Variants in DPY19L4 observed in about 807,000 individuals in gnomAD.
DPY19L4 encodes probable C-mannosyltransferase DPY19L4.
A neutral mutation model predicts 102.8 loss-of-function variants in DPY19L4; 97 were observed. The ratio of observed to expected loss-of-function variants is 0.94; its 90% CI spans 0.80 to 1.12. The LOEUF is 1.12. Ranked by LOEUF, DPY19L4 falls within the 50% of genes most tolerant of loss-of-function variation. DPY19L4 has a pLI of 0.00. For synonymous variants in DPY19L4, 252 were observed against 283.1 expected, an observed-to-expected ratio of 0.89 and a Z score of 1.10; for missense variants, 815 against 850.4, an observed-to-expected ratio of 0.96 and a Z score of 0.52.
At chr8:94,725,620 T>C (rs1006632580) in intron 1 of DPY19L4, among the ~76,000 whole-genome samples, 13 of 152,152 alleles carry the variant, frequency 8.5e-5, no homozygotes, top group African/African-American at 2.9e-4. Context: ...AAGTGTAGTT[T>C]ATGATGAATG....
At chr8:94,779,219 T>TTA (rs1554597631) in intron 14 of DPY19L4, among the ~76,000 whole-genome samples, 12 of 145,936 alleles carry the variant, frequency 8.2e-5, no homozygotes, top group African/African-American at 3.0e-4. Context: ...TTTTATAGAT[T>TTA]AAAAAAAAAA....
At chr8:94,751,637 G>A (rs969005445) in intron 6 of DPY19L4, among the ~76,000 whole-genome samples, 7 of 151,874 alleles carry the variant, frequency 4.6e-5, no homozygotes, top group African/African-American at 7.3e-5. Flanking sequence ...TTACAGGTGC[G>A]CACCACCACG....
chr8:94,720,680 G>T (rs147470927), intron 1 of DPY19L4, among the ~76,000 whole-genome samples: 5 of 152,150 alleles, frequency 3.3e-5, no homozygotes, highest in African/African-American at 7.2e-5. Context: ...CAGGATCAAT[G>T]CTAAGATAAG....
At chr8:94,744,212 C>T in intron 6 of DPY19L4, 1 of 384,884 alleles carries the variant, frequency 2.6e-6, no homozygotes, top group East Asian at 7.1e-5. Flanking sequence ...TGTACTGTGT[C>T]GTCTGAAGGC....
At position 94,744,801 on chromosome 8, in the gene DPY19L4, AT is replaced by A. The variant is rs567650161; in HGVS notation, c.611+5012del. ...CTGCCTTATTTGATGTCACTGATGT[AT>A]GTTGTATTGCTGGAGTAGAAGTTAA... On this transcript the variant is annotated intron_variant, in intron 6 of 18. Transcript: ENST00000414645. The A allele has an allele frequency of 1.1e-3, 353 of 319,808 alleles. 1 individual carries two copies. Among genetic ancestry groups the A allele is most frequent in the Non-Finnish European group, 1.7e-3 (282 of 162,360 alleles). The allele number at this position is 319,808 out of a possible 1,614,324, so 19.8% of individuals were successfully genotyped here.
chr8:94,753,954 G>C (rs943739633), intron 6 of DPY19L4, among the ~76,000 whole-genome samples: 3 of 152,070 alleles, frequency 2.0e-5, no homozygotes, highest in Non-Finnish European at 2.9e-5. Context: ...AGCCAAGGCA[G>C]GCAGATTGTT....
At chr8:94,728,919 C>T (rs550873911) in intron 2 of DPY19L4, among the ~76,000 whole-genome samples, 217 of 151,890 alleles carry the variant, frequency 1.4e-3, no homozygotes, top group Non-Finnish European at 1.7e-3. Context: ...TGGTGGCTCG[C>T]GCCAGTAATC....
chr8:94,787,005 C>T (rs1009958714), intron 17 of DPY19L4, among the ~76,000 whole-genome samples: 1 of 152,138 alleles, frequency 6.6e-6, no homozygotes, highest in Admixed American at 6.6e-5. Context: ...AATGTCATAA[C>T]TGGAAGAGGG....
At chr8:94,770,388 A>G (rs1812872653) in intron 12 of DPY19L4, 64 bp from the exon 13 acceptor site, 2 of 1,478,654 alleles carry the variant, frequency 1.4e-6, no homozygotes, top group Non-Finnish European at 1.8e-6. Flanking sequence ...ATGATAAACA[A>G]TGTATCTTTG....
chr8:94,738,997 A>G (rs1811317698), intron 4 of DPY19L4, among the ~76,000 whole-genome samples: 1 of 152,124 alleles, frequency 6.6e-6, no homozygotes, highest in African/African-American at 2.4e-5. Flanking sequence ...GACATATATC[A>G]CTTCCTTGTG....
intron 11 of DPY19L4, among the ~76,000 whole-genome samples, chr8:94,767,300 T>TC (rs1296672862): frequency 6.6e-6 from 1 of 150,498 alleles, no homozygotes; most frequent in African/African-American, 2.4e-5. Flanking sequence ...GGAGTCTTTT[T>TC]TTTTTTTTTT....
At position 94,793,120 on chromosome 8, in the gene DPY19L4, A is replaced by G. The variant is rs1052898084; in HGVS notation, c.*3210A>G. ...TACTTTCTGTGTATATAGGCAGCAT[A>G]TTTTTTTTGTAGAACATTAACCCAG... On this transcript the variant is annotated 3_prime_UTR_variant, in exon 19 of 19. Transcript: ENST00000414645. 6.6e-6 allele frequency: 1 copy of G among 151,912 alleles called. No homozygotes were observed. Among genetic ancestry groups the G allele is most frequent in the Admixed American group, 6.6e-5 (1 of 15,246 alleles). The allele number at this position is 151,912 out of a possible 1,614,324, so 9.4% of individuals were successfully genotyped here.
intron 2 of DPY19L4, among the ~76,000 whole-genome samples, chr8:94,732,578 C>A (rs1277849595): frequency 6.6e-6 from 1 of 151,920 alleles, no homozygotes; most frequent in Non-Finnish European, 1.5e-5. Context: ...CCATATATAA[C>A]AGTTGTATGT....
chr8:94,739,527 G>A lies in DPY19L4; in HGVS notation c.458G>A (p.Gly153Asp), dbSNP rs1811343650. 2 of 1,602,224 alleles carry A rather than the reference G, an allele frequency of 1.2e-6. No homozygotes were observed. The highest frequency in any genetic ancestry group is 1.7e-6 in the Non-Finnish European group (2 of 1,176,912). Residue 153 changes from glycine (G) to aspartate (D), a missense_variant, in exon 5 of 19, where the codon GGT becomes GAT. Physicochemically the swap from Gly to Asp is moderately conservative, Grantham distance 94 (BLOSUM62 -1). Transcript: ENST00000414645. ...GCTAGCATTTTATATCAAGCCACTG[G>A]TAGCAATGTATGTATTTTTCGTTGG... ...LIASILYQAT[G>D]SNEIIEPVYF...
chr8:94,719,901 G>T lies in DPY19L4; in HGVS notation c.-98G>T. On this transcript the variant is annotated 5_prime_UTR_variant, in exon 1 of 19. The change creates a new upstream start codon in the 5' untranslated region. Coordinates refer to ENST00000414645, the MANE Select transcript of DPY19L4 (RefSeq NM_181787.3). Reference sequence around the variant, plus strand: ...TCAGGAAGTGGGGGCGCGGCGGCCAGGAGCGGGCCCCCGGAGGCCGAGGGG... The same window carrying T: ...TCAGGAAGTGGGGGCGCGGCGGCCATGAGCGGGCCCCCGGAGGCCGAGGGG... The T allele has an allele frequency of 1.4e-6, 2 of 1,386,428 alleles. No individual in the cohort carries two copies. Among genetic ancestry groups the T allele is most frequent in the South Asian group, 3.2e-5 (2 of 62,232 alleles). The allele number at this position is 1,386,428 out of a possible 1,614,324, so 85.9% of individuals were successfully genotyped here.
chr8:94,775,437 G>T (rs1813135643), intron 13 of DPY19L4, among the ~76,000 whole-genome samples: 1 of 152,172 alleles, frequency 6.6e-6, no homozygotes, highest in Non-Finnish European at 1.5e-5. Flanking sequence ...CTCCCAAAGT[G>T]CTGGGATTAC....
At chr8:94,755,895 AG>A in intron 6 of DPY19L4, 140 bp from the exon 7 acceptor site, 1 of 806,882 alleles carries the variant, frequency 1.2e-6, no homozygotes, top group Non-Finnish European at 1.8e-6. Flanking sequence ...AAAAAAAAAA[AG>A]GACAATGGTG....
intron 8 of DPY19L4, among the ~76,000 whole-genome samples, chr8:94,762,779 C>T (rs577669766): frequency 1.3e-4 from 20 of 151,992 alleles, no homozygotes; most frequent in African/African-American, 4.8e-4. Flanking sequence ...GGGGCTGAGG[C>T]GGGAGGATCA....
intron 2 of DPY19L4, among the ~76,000 whole-genome samples, chr8:94,727,917 A>G (rs1314250524): frequency 2.6e-5 from 4 of 152,144 alleles, no homozygotes; most frequent in Admixed American, 1.3e-4. Context: ...GATGCCAGCC[A>G]AGAGAGCCTA....
Sources: gnomAD v4.1 joint callset for allele counts (sites outside exome capture counted in the v4.1 genomes callset) on GRCh38, gnomAD v4.1.1 for gene constraint, MANE v1.5 for transcripts, NCBI Gene and HGNC (gene_info 2026-07-23, HGNC 2026-07-21) for gene names.